OXR1: variants seen among roughly 807,000 people sequenced by gnomAD.
OXR1 encodes the protein oxidation resistance 1.
A neutral mutation model predicts 104.6 loss-of-function variants in OXR1; 41 were observed. That is an observed-to-expected ratio of 0.39 (90% CI 0.31 to 0.51). The LOEUF (loss-of-function observed/expected upper bound fraction) is 0.51, where lower values mean the gene tolerates loss of function less well. Among genes scored for constraint, OXR1 ranks in the 20% least tolerant of loss-of-function variants. OXR1 has a pLI of 0.77. For missense variants in OXR1, 955 were observed against 1,031.9 expected, an observed-to-expected ratio of 0.93 and a Z score of 1.02; for synonymous variants, 348 against 348.4, an observed-to-expected ratio of 1.00 and a Z score of 0.01.
chr8:106,552,172 G>A (rs985896551), intron 3 of OXR1, among the ~76,000 whole-genome samples: 2 of 152,012 alleles, frequency 1.3e-5, no homozygotes, highest in African/African-American at 4.8e-5. Context: ...AAGAGAACAG[G>A]GAGGATTTAT....
At chr8:106,473,852 CT>C (rs530411207) in intron 2 of OXR1, among the ~76,000 whole-genome samples, 93 of 142,494 alleles carry the variant, frequency 6.5e-4, no homozygotes, top group South Asian at 2.2e-3. Flanking sequence ...GTCTATTCCT[CT>C]TTTTTTTTTT....
chr8:106,307,063 A>G (rs1274957318), intron 1 of OXR1, among the ~76,000 whole-genome samples: 2 of 152,202 alleles, frequency 1.3e-5, no homozygotes, highest in Non-Finnish European at 2.9e-5. Context: ...AAAAATAATA[A>G]CAGGATTATC....
chr8:106,513,377 T>C (rs1812659644), intron 2 of OXR1, among the ~76,000 whole-genome samples: 1 of 151,760 alleles, frequency 6.6e-6, no homozygotes, highest in Non-Finnish European at 1.5e-5. Context: ...TGCTCCTGAG[T>C]TTGCTGTCTC....
chr8:106,511,423 C>T (rs904971752), intron 2 of OXR1, among the ~76,000 whole-genome samples: 2 of 152,100 alleles, frequency 1.3e-5, no homozygotes, highest in Non-Finnish European at 2.9e-5. Flanking sequence ...CTAACAGTAA[C>T]AAGATGTGCA....
intron 2 of OXR1, among the ~76,000 whole-genome samples, chr8:106,397,383 G>A (rs1185113582): frequency 6.6e-6 from 1 of 152,006 alleles, no homozygotes; most frequent in Admixed American, 6.6e-5. Flanking sequence ...GTCGGAAGGA[G>A]CCTTACTTTT....
At chr8:106,565,072 A>G (rs1286673631) in intron 3 of OXR1, among the ~76,000 whole-genome samples, 1 of 152,228 alleles carries the variant, frequency 6.6e-6, no homozygotes, top group Admixed American at 6.5e-5. Flanking sequence ...AACTAGCACA[A>G]GACAAGAATG....
chr8:106,378,709 A>G (rs1410307969), intron 2 of OXR1, among the ~76,000 whole-genome samples: 3 of 152,108 alleles, frequency 2.0e-5, no homozygotes, highest in African/African-American at 7.2e-5. Flanking sequence ...AGGTTTCTCC[A>G]TGTTGGTCAG....
chr8:106,655,319 T>TA (rs1824956724), intron 3 of OXR1, among the ~76,000 whole-genome samples: 1 of 150,734 alleles, frequency 6.6e-6, no homozygotes, highest in Non-Finnish European at 1.5e-5. Context: ...TTTTTTTTTT[T>TA]AATGAGGCAA....
chr8:106,526,779 G>A (rs1202946803), intron 3 of OXR1, among the ~76,000 whole-genome samples: 3 of 152,216 alleles, frequency 2.0e-5, no homozygotes, highest in Non-Finnish European at 4.4e-5. Context: ...TCCTGACTTC[G>A]TGATGCGCCC....
chr8:106,295,962 G>A (rs573907004), intron 1 of OXR1, among the ~76,000 whole-genome samples: 2 of 150,268 alleles, frequency 1.3e-5, no homozygotes, highest in South Asian at 2.1e-4. Flanking sequence ...AGCCTGGAAA[G>A]TCTTCTAACC....
chr8:106,446,040 A>C (rs1297310776), intron 2 of OXR1, among the ~76,000 whole-genome samples: 1 of 152,184 alleles, frequency 6.6e-6, no homozygotes. Flanking sequence ...TATCAAATAG[A>C]GATTGGCTTT....
At chr8:106,480,334 T>G (rs1309640735) in intron 2 of OXR1, among the ~76,000 whole-genome samples, 10 of 152,070 alleles carry the variant, frequency 6.6e-5, no homozygotes, top group Admixed American at 6.6e-4. Context: ...CCATTTCATT[T>G]TCTGCATTTT....
chr8:106,593,848 A>G (rs750556218), intron 3 of OXR1, among the ~76,000 whole-genome samples: 1 of 152,240 alleles, frequency 6.6e-6, no homozygotes, highest in Non-Finnish European at 1.5e-5. Flanking sequence ...CTCAAGGTTT[A>G]TGGTATGCTT....
chr8:106,304,805 T>C (rs1813407924), intron 1 of OXR1, among the ~76,000 whole-genome samples: 1 of 152,224 alleles, frequency 6.6e-6, no homozygotes, highest in East Asian at 1.9e-4. Context: ...ATGGAACATA[T>C]ATTGGCAGGT....
chr8:106,339,519 A>AAAATATATAT (rs869120573), intron 1 of OXR1, among the ~76,000 whole-genome samples: 2 of 33,368 alleles, frequency 6.0e-5, no homozygotes, highest in Non-Finnish European at 1.1e-4. Context: ...AAAAAAAAAA[A>AAAATATATAT]ATATATATAT....
At chr8:106,542,518 T>G (rs11776136) in intron 3 of OXR1, among the ~76,000 whole-genome samples, 61,236 of 151,934 alleles carry the variant, frequency 0.4, 13,860 homozygotes, top group Non-Finnish European at 0.5. Flanking sequence ...CACCAACGTT[T>G]GTTAAGAAAA....
At chr8:106,526,684 AG>A (rs1348725179) in intron 3 of OXR1, among the ~76,000 whole-genome samples, 1 of 152,158 alleles carries the variant, frequency 6.6e-6, no homozygotes, top group African/African-American at 2.4e-5. Flanking sequence ...CTGGGACTAC[AG>A]GCGTCCGCCA....
intron 2 of OXR1, among the ~76,000 whole-genome samples, chr8:106,457,287 T>TAATGTTTTCTTTAC (rs1424046559): frequency 1.3e-5 from 2 of 152,206 alleles, no homozygotes; most frequent in Non-Finnish European, 2.9e-5. Context: ...CTGTGCTCTC[T>TAATGTTTTCTTTAC]AATGTTTTCT....
Position 106,382,683 on chromosome 8 carries a change from T to TG in OXR1, c.23+23047_23+23048insG, listed in dbSNP as rs1817199636. Among the ~76,000 whole-genome samples, 3 of 21,060 alleles carry TG rather than the reference T, an allele frequency of 1.4e-4. No homozygotes were observed. The South Asian group carries it at 2.9e-3, about 20-fold the overall frequency. 13.8% of individuals were successfully genotyped at this position (21,060 alleles called of 152,430 possible). ...CCTATCCAGGTCTGAGAACTATAGG[T>TG]TTTTTTTTTTTTTTTTTTTTTTTTT... On this transcript the variant is annotated intron_variant, in intron 2 of 16. Transcript: ENST00000517566.
Sources: gnomAD v4.1 joint callset for allele counts (sites outside exome capture counted in the v4.1 genomes callset) on GRCh38, gnomAD v4.1.1 for gene constraint, MANE v1.5 for transcripts, NCBI Gene and HGNC (gene_info 2026-07-23, HGNC 2026-07-21) for gene names.